Variants in CDC42BPB observed in about 807,000 individuals in gnomAD.
CDC42BPB encodes the protein serine/threonine-protein kinase MRCK beta.
In CDC42BPB, 37 loss-of-function variants were observed where a neutral mutation model predicts 214.9. The observed-to-expected ratio is 0.17, with a 90% CI of 0.13 to 0.23. The LOEUF is 0.23. CDC42BPB is among the 10% of genes least tolerant of loss of function. The probability of loss-of-function intolerance (pLI) is 1.00; values close to 1 mark genes in which losing one functional copy is unlikely to be tolerated. For missense variants in CDC42BPB, 1,694 were observed against 2,227.0 expected, an observed-to-expected ratio of 0.76 and a Z score of 4.82; for synonymous variants, 931 against 884.0, an observed-to-expected ratio of 1.05 and a Z score of -0.94.
chr14:102,962,021 T>G (rs1892984400), intron 20 of CDC42BPB, among the ~76,000 whole-genome samples: 1 of 152,088 alleles, frequency 6.6e-6, no homozygotes, highest in South Asian at 2.1e-4. Flanking sequence ...TAAAAACATA[T>G]AATGCACAAA....
In CDC42BPB at chr14:102,943,561, T is replaced by C. The variant is rs1050378545; in HGVS notation, c.4408+330A>G. 1.3e-5 allele frequency among the ~76,000 whole-genome samples: 2 copies of C among 152,076 alleles called. No homozygotes were observed. The highest frequency in any genetic ancestry group is 2.9e-5 in the Non-Finnish European group (2 of 68,000). ...ATTATCACGAGGAAGGCCTTTTAAA[T>C]GAGAGATGAATGCCACGCCCCGTTC... On this transcript the variant is annotated intron_variant, in intron 30 of 36. Coordinates refer to ENST00000361246, the MANE Select transcript of CDC42BPB (RefSeq NM_006035.4). This position sits in a 1 kb window ranked among gnomAD's most constrained non-coding sequence, Gnocchi z 4.6.
At chr14:102,986,758 G>C (rs573386305) in intron 5 of CDC42BPB, 178 bp from the exon 6 acceptor site, 20 of 983,508 alleles carry the variant, frequency 2.0e-5, no homozygotes, top group Admixed American at 6.2e-5. Context: ...AGCCGAAGTC[G>C]TATCACTGCC....
chr14:103,051,049 A>C (rs1888574951), intron 1 of CDC42BPB, among the ~76,000 whole-genome samples: 1 of 151,320 alleles, frequency 6.6e-6, no homozygotes. Flanking sequence ...ACTGTTACCT[A>C]CCAATCAATA....
At chr14:102,989,421 A>G (rs1894392692) in intron 5 of CDC42BPB, among the ~76,000 whole-genome samples, 1 of 152,252 alleles carries the variant, frequency 6.6e-6, no homozygotes, top group Admixed American at 6.5e-5. Context: ...CTGAAGGCAC[A>G]CAACCAAAAC....
chr14:102,992,135 G>C (rs1182550540), intron 5 of CDC42BPB, among the ~76,000 whole-genome samples: 4 of 152,178 alleles, frequency 2.6e-5, no homozygotes, highest in African/African-American at 4.8e-5. Context: ...CCCCTGGGGA[G>C]GGAGTGATGG....
Position 102,954,233 on chromosome 14 carries a change from G to A in CDC42BPB, c.3031C>T (p.Pro1011Ser). ...PPQRPSAVPLPTTQALALAGP... is the reference protein window; with the variant it reads ...PPQRPSAVPLSTTQALALAGP... The stretch of plus-strand genomic sequence containing the variant: ...GCCAGAGCCAGGGCCTGCGTGGTGG[G>A]CAACGGCACAGCGGATGGCCTCTGC... Residue 1011 changes from proline to serine, a missense_variant, in exon 23 of 37, where the codon CCC (proline) becomes TCC (serine). This residue lies in a region of CDC42BPB where 156 missense variants were observed against 154.5 expected (regional missense o/e 1.01). Transcript: ENST00000361246. 1 of 1,546,854 alleles carries A rather than the reference G, an allele frequency of 6.5e-7. No individual in the cohort carries two copies. The highest frequency in any genetic ancestry group is 8.7e-7 in the Non-Finnish European group (1 of 1,146,120).
At chr14:103,010,170 A>G (rs1023522446) in intron 2 of CDC42BPB, among the ~76,000 whole-genome samples, 22 of 152,158 alleles carry the variant, frequency 1.4e-4, no homozygotes, top group African/African-American at 5.3e-4. Flanking sequence ...GCCTGTAGTC[A>G]CAACTACTCA....
chr14:102,954,190 G>T lies in CDC42BPB; in HGVS notation c.3066+8C>A. On this transcript the variant is annotated splice_region_variant and intron_variant, in intron 23 of 36. Transcript: ENST00000361246. ...AGAAGGCGCCCCGGGTGAAAGCAAG[G>T]CCCCTACCTTCGGTCCAGCCAGAGC... 1.3e-6 allele frequency: 2 copies of T among 1,541,228 alleles called. No homozygotes were observed. Among genetic ancestry groups the T allele is most frequent in the Non-Finnish European group, 1.8e-6 (2 of 1,138,738 alleles).
chr14:102,960,976 C>T (rs145474471), intron 20 of CDC42BPB, among the ~76,000 whole-genome samples: 5 of 152,034 alleles, frequency 3.3e-5, no homozygotes, highest in South Asian at 2.1e-4. Context: ...CTGGGAAATA[C>T]GGCACAACCC....
At chr14:102,974,451 T>C in intron 11 of CDC42BPB, 1 of 780,658 alleles carries the variant, frequency 1.3e-6, no homozygotes, top group Non-Finnish European at 1.6e-6. Flanking sequence ...TCAGTCCCTC[T>C]AACCTGTGTC....
At chr14:103,045,267 G>T (rs1888228170) in intron 1 of CDC42BPB, among the ~76,000 whole-genome samples, 1 of 152,112 alleles carries the variant, frequency 6.6e-6, no homozygotes, top group South Asian at 2.1e-4. Context: ...ATGATGAGGG[G>T]CAAGAATATT....
At chr14:102,990,481 T>C (rs754182197) in intron 5 of CDC42BPB, among the ~76,000 whole-genome samples, 4 of 151,994 alleles carry the variant, frequency 2.6e-5, no homozygotes, top group African/African-American at 9.7e-5. Context: ...ACAGTTTCAG[T>C]AGGAGGAAGA....
chr14:102,978,380 C>G (rs997305620), intron 8 of CDC42BPB, 175 bp from the exon 9 acceptor site: 412 of 981,816 alleles, frequency 4.2e-4, no homozygotes, highest in Non-Finnish European at 4.9e-4. Flanking sequence ...ATCTGTCTTT[C>G]TCAAGCCTGG....
intron 26 of CDC42BPB, 150 bp downstream of exon 26, chr14:102,949,615 A>G: frequency 2.1e-6 from 2 of 966,398 alleles, no homozygotes; most frequent in Non-Finnish European, 3.1e-6. Context: ...TGAAGTCATG[A>G]CTAAGCTGTA....
chr14:102,945,765 G>A (rs376950511), intron 28 of CDC42BPB, 41 bp from the exon 29 acceptor site: 40 of 1,578,800 alleles, frequency 2.5e-5, no homozygotes, highest in Non-Finnish European at 3.3e-5. Context: ...CAGTACAGCC[G>A]ACCGTGAACA....
In CDC42BPB at chr14:102,944,491, T is replaced by A; in HGVS notation, c.3812-4A>T. 6.2e-7 allele frequency: 1 copy of A among 1,608,264 alleles called. No homozygotes were observed. The highest frequency in any genetic ancestry group is 1.1e-5 in the South Asian group (1 of 90,732). ...CAGTCAGCGGCACGGACGATCACTG[T>A]GGCAAGGAGGACAAGAGCGTGAGGC... On this transcript the variant is annotated splice_region_variant and splice_polypyrimidine_tract_variant and intron_variant, in intron 29 of 36. Coordinates refer to ENST00000361246, the MANE Select transcript of CDC42BPB (RefSeq NM_006035.4). This position sits in a 1 kb window ranked among gnomAD's most constrained non-coding sequence, Gnocchi z 6.6.
rs1886275537 is a variant in CDC42BPB, at chr14:103,013,507, T to C, written c.176-1319A>G. Among the ~76,000 whole-genome samples, 3 of 152,238 alleles carry C rather than the reference T, an allele frequency of 2.0e-5. No individual in the cohort carries two copies. The South Asian group carries it at 6.2e-4, about 31-fold the overall frequency. On this transcript the variant is annotated intron_variant, in intron 1 of 36. Coordinates refer to ENST00000361246, the MANE Select transcript of CDC42BPB (RefSeq NM_006035.4). ...GCAAAACTCATGTCTGCTCAGAACC[T>C]GTGACTGTAACCTCATTTGGAAACG...
intron 5 of CDC42BPB, among the ~76,000 whole-genome samples, chr14:102,994,387 G>A (rs2139572712): frequency 6.6e-6 from 1 of 151,304 alleles, no homozygotes; most frequent in South Asian, 2.1e-4. Context: ...TTTTTTAAGT[G>A]AACTTGCTGT....
chr14:103,006,015 CAAAAAAAAA>C (rs1172933917), intron 3 of CDC42BPB, among the ~76,000 whole-genome samples: 1 of 58,136 alleles, frequency 1.7e-5, no homozygotes. Flanking sequence ...AGAGACGTCT[CAAAAAAAAA>C]AAAAAAAAAA....
Sources: allele counts gnomAD v4.1 joint callset (sites outside exome capture counted in the v4.1 genomes callset), GRCh38; gene constraint gnomAD v4.1.1; regional missense constraint gnomAD v4.1.1; non-coding constraint Gnocchi (gnomAD v3.1); transcripts MANE v1.5; gene names NCBI Gene and HGNC (gene_info 2026-07-23, HGNC 2026-07-21).